BCAP31: variants seen among roughly 807,000 people sequenced by gnomAD.
BCAP31 encodes the protein B cell receptor associated protein 31.
For missense variants in BCAP31, 124 were observed against 193.0 expected (o/e 0.64, Z 2.12); for synonymous variants, 75 against 80.9 (o/e 0.93, Z 0.39).
intron 3 of BCAP31, among the ~76,000 whole-genome samples, chrX:153,716,530 C>T (rs924548601): frequency 1.0e-5 from 1 of 96,198 alleles, no homozygotes; most frequent in African/African-American, 4.1e-5. Context: ...TGCTTGAGGC[C>T]AACGAGTTCA....
At chrX:153,710,182 T>G (rs1557048944) in intron 4 of BCAP31, among the ~76,000 whole-genome samples, 2 of 110,912 alleles carry the variant, frequency 1.8e-5, no homozygotes. Flanking sequence ...GCAGAGACTG[T>G]GGGGGAGCCG....
chrX:153,720,788 G>T, intron 3 of BCAP31, 84 bp downstream of exon 3: 1 of 902,557 alleles, frequency 1.1e-6, no homozygotes, highest in Non-Finnish European at 1.6e-6. Flanking sequence ...AAAACTGGAT[G>T]CTACACATCA....
intron 4 of BCAP31, among the ~76,000 whole-genome samples, chrX:153,710,973 C>T (rs1342142484): frequency 3.6e-5 from 4 of 111,566 alleles, no homozygotes; most frequent in African/African-American, 1.3e-4. Context: ...GCCAGCAACC[C>T]AAGCTCGACT....
intron 4 of BCAP31, among the ~76,000 whole-genome samples, chrX:153,711,351 T>TG (rs2091590067): frequency 8.9e-6 from 1 of 112,008 alleles, no homozygotes; most frequent in Admixed American, 9.4e-5. Context: ...ACCTCCAACT[T>TG]GGTCTCCCCA....
intron 4 of BCAP31, among the ~76,000 whole-genome samples, chrX:153,709,118 A>C (rs1443189662): frequency 1.8e-5 from 2 of 111,579 alleles, no homozygotes; most frequent in African/African-American, 6.5e-5. Flanking sequence ...CTTTTTTAAA[A>C]CCAGCTATCT....
chrX:153,716,752 T>A lies in BCAP31; in HGVS notation c.194-1063A>T, dbSNP rs191377757. ...TCCAGCCTGGGCGACAGAGCGAGACTCTGTCTCGAAAAAGCCAAAACAAAA... is the reference window on the plus strand; with the variant it reads ...TCCAGCCTGGGCGACAGAGCGAGACACTGTCTCGAAAAAGCCAAAACAAAA... On this transcript the variant is annotated intron_variant, in intron 3 of 7. Transcript: ENST00000345046. Among the ~76,000 whole-genome samples the A allele has an allele frequency of 9.2e-3, 1,021 of 111,551 alleles. 5 individuals are homozygous for A. The highest frequency in any genetic ancestry group is 0.032 in the African/African-American group (983 of 30,656).
At chrX:153,724,240 G>A (rs782640269) in intron 1 of BCAP31, 94 bp downstream of exon 1, 6 of 210,122 alleles carry the variant, frequency 2.9e-5, no homozygotes, top group Admixed American at 7.0e-5. Flanking sequence ...CCCGGCCCCC[G>A]GGCCTCCCCG....
chrX:153,707,392 G>A (rs2091562248), intron 4 of BCAP31, among the ~76,000 whole-genome samples: 1 of 110,370 alleles, frequency 9.1e-6, no homozygotes, highest in South Asian at 3.9e-4. Context: ...AAGGGGGGGA[G>A]GGCGCGGGGC....
intron 3 of BCAP31, 76 bp downstream of exon 3, chrX:153,720,796 T>A: frequency 1.0e-5 from 10 of 1,004,055 alleles, no homozygotes; most frequent in South Asian, 2.0e-5. Context: ...ATGCTACACA[T>A]CAAAAGTGGC....
rs782161526 is a variant in BCAP31 at position 153,723,167 on chromosome X, G to T, written c.78C>A (p.Phe26Leu). ...VFVVLLLCIP[F>L]ISPKRWQKIF... ...ATAGGCCATACCTTTTAGGAGAAATGAAGGGAATGCAGAGAAGCAACACAA... is the reference window on the plus strand; with the variant it reads ...ATAGGCCATACCTTTTAGGAGAAATTAAGGGAATGCAGAGAAGCAACACAA... The change falls in exon 2 of 8, where the codon TTC becomes TTA. Residue 26 changes from phenylalanine (F) to leucine (L), a missense_variant. Coordinates refer to ENST00000345046, the MANE Select transcript of BCAP31 (RefSeq NM_001256447.2). 1 of 1,210,889 alleles carries T rather than the reference G, an allele frequency of 8.3e-7. No homozygotes were observed. The highest frequency in any genetic ancestry group is 1.1e-6 in the Non-Finnish European group (1 of 895,287).
chrX:153,717,960 T>C (rs1223735865), intron 3 of BCAP31, among the ~76,000 whole-genome samples: 6 of 112,222 alleles, frequency 5.3e-5, no homozygotes, highest in Non-Finnish European at 1.1e-4. Flanking sequence ...TTATAAAGAA[T>C]GGATTACGGC....
intron 4 of BCAP31, among the ~76,000 whole-genome samples, chrX:153,710,167 C>A (rs6643773): frequency 9.0e-6 from 1 of 111,403 alleles, no homozygotes; most frequent in Non-Finnish European, 1.9e-5. Flanking sequence ...CAGGGGGAGG[C>A]CGAAGCAGAG....
At position 153,723,172 on chromosome X, in the gene BCAP31, G is replaced by A. The variant is rs782786816; in HGVS notation, c.73C>T (p.Pro25Ser). ...CCATACCTTTTAGGAGAAATGAAGG[G>A]AATGCAGAGAAGCAACACAACAAAG... ...EVFVVLLLCI[P>S]FISPKRWQKI... Residue 25 changes from proline (P) to serine (S), a missense_variant, in exon 2 of 8, where the codon CCC (proline) becomes TCC (serine). Transcript: ENST00000345046. 3 of 1,210,586 alleles carry A rather than the reference G, an allele frequency of 2.5e-6. No homozygotes were observed. Among genetic ancestry groups the A allele is most frequent in the South Asian group, 3.5e-5 (2 of 56,870 alleles).
rs1444221063 is a variant in BCAP31, at chrX:153,707,321, C to T, written c.342-3227G>A. On this transcript the variant is annotated intron_variant, in intron 4 of 7. Coordinates refer to ENST00000345046, the MANE Select transcript of BCAP31 (RefSeq NM_001256447.2). ...CACTGTGCCTTCATCTCTGCACTCCCATACCTGGCACACTGAAAAGGGGTC... is the reference window on the plus strand; with the variant it reads ...CACTGTGCCTTCATCTCTGCACTCCTATACCTGGCACACTGAAAAGGGGTC... 3.7e-5 allele frequency among the ~76,000 whole-genome samples: 4 copies of T among 109,449 alleles called. No homozygotes were observed. The Admixed American group carries it at 3.9e-4, about 11-fold the overall frequency.
intron 1 of BCAP31, chrX:153,723,575 G>A (rs2091684083): frequency 8.6e-7 from 1 of 1,168,318 alleles, no homozygotes; most frequent in Non-Finnish European, 1.1e-6. Context: ...GCCCCAGGAA[G>A]CCCGAGATTT....
At chrX:153,702,294 CA>C (rs1328391489) in intron 6 of BCAP31, 187 bp from the exon 7 acceptor site, 2 of 401,633 alleles carry the variant, frequency 5.0e-6, no homozygotes, top group Non-Finnish European at 8.7e-6. Flanking sequence ...AAAGGGCTGA[CA>C]AAAAAGCTCA....
intron 2 of BCAP31, 45 bp downstream of exon 2, chrX:153,723,108 A>G (rs1187510871): frequency 1.7e-6 from 2 of 1,195,584 alleles, no homozygotes; most frequent in Admixed American, 2.2e-5. Flanking sequence ...GCTAGGGCAC[A>G]GGCACCCTCC....
chrX:153,719,519 T>C (rs1193093746), intron 3 of BCAP31, among the ~76,000 whole-genome samples: 1 of 112,016 alleles, frequency 8.9e-6, no homozygotes, highest in African/African-American at 3.2e-5. Context: ...AGCCTGAACA[T>C]ATCCTATCAG....
chrX:153,716,895 C>T (rs6643775), intron 3 of BCAP31, among the ~76,000 whole-genome samples: 10,997 of 112,301 alleles, frequency 0.098, 425 homozygotes, highest in South Asian at 0.15. Flanking sequence ...ATTCTGATTA[C>T]GAAAGGAATT....
Sources: gnomAD v4.1 joint callset for allele counts (sites outside exome capture counted in the v4.1 genomes callset) on GRCh38, gnomAD v4.1.1 for gene constraint, MANE v1.5 for transcripts, NCBI Gene and HGNC (gene_info 2026-07-23, HGNC 2026-07-21) for gene names.